Variants in GRM1 observed in about 807,000 individuals in gnomAD.
GRM1 encodes the protein glutamate metabotropic receptor 1.
In GRM1, 33 loss-of-function variants were observed where a neutral mutation model predicts 90.9. The ratio of observed to expected loss-of-function variants is 0.36; its 90% CI spans 0.28 to 0.49. The LOEUF is 0.49. Among genes scored for constraint, GRM1 ranks in the 20% least tolerant of loss-of-function variants. The pLI is 0.99. For synonymous variants in GRM1, 700 were observed against 613.2 expected (o/e 1.14, Z -2.09); for missense variants, 1,190 against 1,534.3 (o/e 0.78, Z 3.75).
At chr6:146,071,271 TGCACTA>T in intron 1 of GRM1, among the ~76,000 whole-genome samples, 1 of 152,318 alleles carries the variant, frequency 6.6e-6, no homozygotes, top group Middle Eastern at 3.4e-3. Context: ...TTTGCTATAG[TGCACTA>T]GCACTAGCAC....
chr6:146,365,685 A>G (rs1252149857), intron 5 of GRM1, among the ~76,000 whole-genome samples: 1 of 152,158 alleles, frequency 6.6e-6, no homozygotes, highest in Non-Finnish European at 1.5e-5. Flanking sequence ...CCCTCTGCCT[A>G]GAACACTCTT....
intron 1 of GRM1, among the ~76,000 whole-genome samples, chr6:146,104,022 G>A (rs1777138622): frequency 6.6e-6 from 1 of 152,166 alleles, no homozygotes; most frequent in South Asian, 2.1e-4. Flanking sequence ...TTTGGGAGTT[G>A]CTTGTTTTGC....
rs569605802 is a variant in GRM1 at position 146,378,519 on chromosome 6, G to A, written c.1603-8371G>A. 6.6e-5 allele frequency among the ~76,000 whole-genome samples: 10 copies of A among 152,310 alleles called. No homozygotes were observed. In the East Asian group the frequency reaches 1.2e-3, roughly 18 times the overall value. The stretch of plus-strand genomic sequence containing the variant: ...TAAGGTTTAATGACTGCCATATTGG[G>A]TTTCGGACTTGGATGGGGCCTGTAG... On this transcript the variant is annotated intron_variant, in intron 5 of 7. Coordinates refer to ENST00000282753, the MANE Select transcript of GRM1 (RefSeq NM_001278064.2).
chr6:146,263,214 ATATC>A, intron 2 of GRM1, among the ~76,000 whole-genome samples: 2 of 152,090 alleles, frequency 1.3e-5, no homozygotes, highest in Middle Eastern at 6.8e-3. Context: ...AATGGATAAA[ATATC>A]TAGCTATTGG....
chr6:146,208,611 G>A (rs559274270), intron 2 of GRM1, among the ~76,000 whole-genome samples: 3 of 151,970 alleles, frequency 2.0e-5, no homozygotes, highest in African/African-American at 4.8e-5. Context: ...ATCATTTATT[G>A]TCATTATGCA....
At chr6:146,252,142 T>C (rs769623948) in intron 2 of GRM1, among the ~76,000 whole-genome samples, 10 of 152,310 alleles carry the variant, frequency 6.6e-5, no homozygotes, top group East Asian at 1.9e-4. Flanking sequence ...TTGTTCATTT[T>C]ATTCACTGGT....
intron 2 of GRM1, among the ~76,000 whole-genome samples, chr6:146,170,233 A>C (rs970325927): frequency 1.3e-5 from 2 of 152,074 alleles, no homozygotes; most frequent in African/African-American, 4.8e-5. Flanking sequence ...CATTTTTACT[A>C]TGCTGAGCCT....
At chr6:146,099,458 G>A (rs1312917791) in intron 1 of GRM1, among the ~76,000 whole-genome samples, 1 of 152,178 alleles carries the variant, frequency 6.6e-6, no homozygotes, top group Non-Finnish European at 1.5e-5. Context: ...TATCTACTGA[G>A]GGTAGAGGGA....
chr6:146,243,586 C>T (rs1358378092), intron 2 of GRM1, among the ~76,000 whole-genome samples: 1 of 151,930 alleles, frequency 6.6e-6, no homozygotes, highest in African/African-American at 2.4e-5. Flanking sequence ...GGGTGTGGGT[C>T]ACAGAGATCA....
rs1161483230 is a variant in GRM1 at position 146,148,871 on chromosome 6, C to T, written c.701-10477C>T. ...CTGAACTTGTTGTTGCTATATACAA[C>T]CTTCCTGTTTTTGATTATATACCAA... On this transcript the variant is annotated intron_variant, in intron 1 of 7. Coordinates refer to ENST00000282753, the MANE Select transcript of GRM1 (RefSeq NM_001278064.2). Among the ~76,000 whole-genome samples, 4 of 152,014 alleles carry T rather than the reference C, an allele frequency of 2.6e-5. No homozygotes were observed. In the East Asian group the frequency reaches 5.8e-4, roughly 22 times the overall value.
At chr6:146,081,516 A>C (rs1776363775) in intron 1 of GRM1, among the ~76,000 whole-genome samples, 1 of 152,144 alleles carries the variant, frequency 6.6e-6, no homozygotes, top group Non-Finnish European at 1.5e-5. Flanking sequence ...GTGGAAGCAG[A>C]GTGTTAATTT....
chr6:146,036,624 C>A (rs1790900734), intron 1 of GRM1, among the ~76,000 whole-genome samples: 1 of 151,900 alleles, frequency 6.6e-6, no homozygotes, highest in South Asian at 2.1e-4. Context: ...CCAAATAGAA[C>A]ATTAATGTTT....
intron 6 of GRM1, among the ~76,000 whole-genome samples, chr6:146,395,026 T>C (rs1380163399): frequency 1.3e-5 from 2 of 152,104 alleles, no homozygotes; most frequent in African/African-American, 4.8e-5. Context: ...GCCTCATTTT[T>C]CATGAGATGT....
At chr6:146,072,340 G>A (rs771720878) in intron 1 of GRM1, among the ~76,000 whole-genome samples, 3 of 152,096 alleles carry the variant, frequency 2.0e-5, no homozygotes, top group Non-Finnish European at 4.4e-5. Context: ...GATAATATCT[G>A]TACAGTGATG....
At chr6:146,332,639 A>G (rs1411315150) in intron 3 of GRM1, among the ~76,000 whole-genome samples, 1 of 152,232 alleles carries the variant, frequency 6.6e-6, no homozygotes, top group Admixed American at 6.5e-5. Context: ...CATTATTTTA[A>G]GGCATTTAAT....
At chr6:146,336,907 G>A (rs1784789927) in intron 3 of GRM1, among the ~76,000 whole-genome samples, 1 of 152,206 alleles carries the variant, frequency 6.6e-6, no homozygotes, top group African/African-American at 2.4e-5. Context: ...CCTGGGGCCT[G>A]CCATTGAAAG....
At chr6:146,183,832 A>C (rs955858341) in intron 2 of GRM1, among the ~76,000 whole-genome samples, 2 of 152,152 alleles carry the variant, frequency 1.3e-5, no homozygotes, top group Non-Finnish European at 2.9e-5. Context: ...CCTGACTTCT[A>C]TCTCTTGCAT....
At chr6:146,119,560 T>C (rs1253127562) in intron 1 of GRM1, among the ~76,000 whole-genome samples, 1 of 152,210 alleles carries the variant, frequency 6.6e-6, no homozygotes, top group African/African-American at 2.4e-5. Context: ...CTTCTAGAGT[T>C]TTTATGGTTT....
intron 1 of GRM1, among the ~76,000 whole-genome samples, chr6:146,068,252 T>C (rs575820966): frequency 6.6e-6 from 1 of 152,264 alleles, no homozygotes; most frequent in Non-Finnish European, 1.5e-5. Context: ...TAGCTGGGAC[T>C]ACAGGCGCCC....
Sources: gnomAD v4.1 joint callset for allele counts (sites outside exome capture counted in the v4.1 genomes callset) on GRCh38, gnomAD v4.1.1 for gene constraint, MANE v1.5 for transcripts, NCBI Gene and HGNC (gene_info 2026-07-23, HGNC 2026-07-21) for gene names.